RPH3AL: variants seen among roughly 807,000 people sequenced by gnomAD.
The protein encoded by RPH3AL is rabphilin 3A like (without C2 domains), also known as rab effector Noc2.
Under a neutral mutation model 43.1 loss-of-function variants are expected in RPH3AL, and 38 were observed. The ratio of observed to expected loss-of-function variants is 0.88; its 90% confidence interval spans 0.68 to 1.15. RPH3AL has a LOEUF of 1.15. Ranked by LOEUF, RPH3AL falls within the 50% of genes most tolerant of loss-of-function variation. RPH3AL has a pLI of 0.00. For missense variants in RPH3AL, 462 were observed against 423.2 expected, an observed-to-expected ratio of 1.09 and a Z score of -0.81; for synonymous variants, 189 against 176.3, an observed-to-expected ratio of 1.07 and a Z score of -0.57.
At chr17:313,393 G>A (rs1013476346) in intron 5 of RPH3AL, among the ~76,000 whole-genome samples, 7 of 152,180 alleles carry the variant, frequency 4.6e-5, no homozygotes, top group African/African-American at 1.4e-4. Context: ...TGGGCCATCC[G>A]GCCGCTCACT....
chr17:253,503 TA>T (rs1323043977), intron 6 of RPH3AL, among the ~76,000 whole-genome samples: 1 of 152,144 alleles, frequency 6.6e-6, no homozygotes, highest in East Asian at 1.9e-4. Context: ...AATCCTTTTT[TA>T]AAAAAATTAA....
chr17:275,758 G>A (rs1395157993), intron 6 of RPH3AL, among the ~76,000 whole-genome samples: 2 of 152,328 alleles, frequency 1.3e-5, no homozygotes, highest in African/African-American at 4.8e-5. Flanking sequence ...TGTTGCCCAG[G>A]CTGGTCTCAA....
rs538155695 is a variant in RPH3AL at position 352,791 on chromosome 17, G to C, written c.-292C>G. On this transcript the variant is annotated 5_prime_UTR_variant, in exon 1 of 10. Transcript: ENST00000331302. ...CTCCCTCCCACCACCGTTGTCGGGG[G>C]TGACCCGAGGTGTTCCAGATGAGGA... 4 of 152,324 alleles carry C rather than the reference G, an allele frequency of 2.6e-5. No individual in the cohort carries two copies. Among genetic ancestry groups the C allele is most frequent in the South Asian group, 4.2e-4 (2 of 4,808 alleles). 9.4% of individuals were successfully genotyped at this position (152,324 alleles called of 1,614,324 possible). A position where few individuals can be genotyped will look rare whatever the true frequency, so the allele number is the denominator to read the frequency against.
intron 5 of RPH3AL, among the ~76,000 whole-genome samples, chr17:311,635 C>G (rs117809908): frequency 1.3e-5 from 2 of 152,142 alleles, no homozygotes; most frequent in Non-Finnish European, 2.9e-5. Flanking sequence ...TCACAATGGG[C>G]GAAGCGATCA....
intron 6 of RPH3AL, among the ~76,000 whole-genome samples, chr17:275,244 AAAAAC>A (rs1344774343): frequency 0.011 from 1,036 of 92,648 alleles, 38 homozygotes; most frequent in Admixed American, 0.11. Flanking sequence ...AAAAAAAACA[AAAAAC>A]AAAAAAAGGA....
intron 6 of RPH3AL, among the ~76,000 whole-genome samples, chr17:249,620 C>G (rs1164480396): frequency 6.6e-6 from 1 of 151,882 alleles, no homozygotes; most frequent in African/African-American, 2.4e-5. Context: ...TGCTTCCCAC[C>G]CCGCAAACTT....
In RPH3AL at chr17:328,769, T is replaced by C. The variant is rs1051462046; in HGVS notation, c.-36-1190A>G. On this transcript the variant is annotated intron_variant, in intron 2 of 9. Coordinates refer to ENST00000331302, the MANE Select transcript of RPH3AL (RefSeq NM_006987.4). The surrounding 1 kb of genome is among the most constrained non-coding windows in gnomAD (Gnocchi z 4.2). Reference sequence around the variant, plus strand: ...TACAATGGATTATTATTATTTACAATGGAGTATGATTTACAATGGATTATT... The same window carrying C: ...TACAATGGATTATTATTATTTACAACGGAGTATGATTTACAATGGATTATT... Among the ~76,000 whole-genome samples, 2 of 152,192 alleles carry C rather than the reference T, an allele frequency of 1.3e-5. No homozygotes were observed. The highest frequency in any genetic ancestry group is 2.9e-5 in the Non-Finnish European group (2 of 68,032).
At chr17:337,128 T>TC (rs1375935286) in intron 1 of RPH3AL, among the ~76,000 whole-genome samples, 1 of 151,636 alleles carries the variant, frequency 6.6e-6, no homozygotes, top group Non-Finnish European at 1.5e-5. Context: ...AATAATTTTT[T>TC]TTTTTGAGAC....
chr17:250,048 C>T (rs1401311249), intron 6 of RPH3AL, among the ~76,000 whole-genome samples: 18 of 146,396 alleles, frequency 1.2e-4, no homozygotes, highest in Admixed American at 2.7e-4. Flanking sequence ...TCCATCACTG[C>T]GGGACCTCTG....
At chr17:332,972 C>G (rs1314916761) in intron 2 of RPH3AL, 1 of 1,264,310 alleles carries the variant, frequency 7.9e-7, no homozygotes, top group Middle Eastern at 2.2e-4. Context: ...GTGATAATTT[C>G]CCGAAAAATT....
At chr17:219,090 T>A (rs750057415) in intron 8 of RPH3AL, among the ~76,000 whole-genome samples, 2 of 150,030 alleles carry the variant, frequency 1.3e-5, no homozygotes, top group African/African-American at 2.5e-5. Flanking sequence ...TGTTGTCCCA[T>A]CCCTAGGCCT....
chr17:284,786 G>C (rs2042865995), intron 5 of RPH3AL, among the ~76,000 whole-genome samples: 1 of 152,206 alleles, frequency 6.6e-6, no homozygotes, highest in South Asian at 2.1e-4. Flanking sequence ...TAGACTGAGT[G>C]GCTGAAACAA....
chr17:327,072 C>A (rs1332975238), intron 3 of RPH3AL, among the ~76,000 whole-genome samples: 2 of 152,202 alleles, frequency 1.3e-5, no homozygotes, highest in African/African-American at 4.8e-5. Context: ...ATCAAAATCT[C>A]CCTGTCTTAA....
At position 253,016 on chromosome 17, in the gene RPH3AL, G is replaced by A. The variant is rs186302089; in HGVS notation, c.439-5731C>T. Among the ~76,000 whole-genome samples, 3 of 152,284 alleles carry A rather than the reference G, an allele frequency of 2.0e-5. No individual in the cohort carries two copies. In the East Asian group the frequency reaches 5.8e-4, roughly 29 times the overall value. ...GGAGGAAAAGCCACATTCCCAGGAG[G>A]CTACAGTAAGTGTTTTTGGGGTGGG... On this transcript the variant is annotated intron_variant, in intron 6 of 9. Coordinates refer to ENST00000331302, the MANE Select transcript of RPH3AL (RefSeq NM_006987.4).
chr17:281,921 C>A, intron 5 of RPH3AL, 67 bp from the exon 6 acceptor site: 1 of 1,192,716 alleles, frequency 8.4e-7, no homozygotes, highest in Admixed American at 1.7e-5. Flanking sequence ...GGGGCTCAGA[C>A]AACTGTAACG....
chr17:291,393 A>C (rs2043045501), intron 5 of RPH3AL, among the ~76,000 whole-genome samples: 1 of 152,140 alleles, frequency 6.6e-6, no homozygotes, highest in Non-Finnish European at 1.5e-5. Context: ...CATTTTAAAA[A>C]ATAATAAAAT....
intron 6 of RPH3AL, among the ~76,000 whole-genome samples, chr17:273,828 G>A (rs144684867): frequency 1.1e-3 from 165 of 152,322 alleles, no homozygotes; most frequent in African/African-American, 3.6e-3. Context: ...AAATTGAGGA[G>A]GCAAAGCCAA....
chr17:215,729 C>A lies in RPH3AL; in HGVS notation c.801G>T (p.Leu267=), dbSNP rs2040783015. The change falls in exon 9 of 10, where the codon CTG becomes CTT. Residue 267 remains leucine (L), a synonymous_variant. Transcript: ENST00000331302. The surrounding 1 kb of genome is among the most constrained non-coding windows in gnomAD (Gnocchi z 4.1). ...AGCCTGTCCCCGTCTCACCACTGGC[C>A]AGGCTGCTCTGGCACCCAGAGAGGT... The part of the protein sequence containing the change: ...PGHLSGCQSS[L]ASGETGTGSA... 3 of 1,306,912 alleles carry A rather than the reference C, an allele frequency of 2.3e-6. No homozygotes were observed. In the East Asian group the frequency reaches 9.4e-5, roughly 41 times the overall value. 81.0% of individuals were successfully genotyped at this position (1,306,912 alleles called of 1,614,324 possible). A position where few individuals can be genotyped will look rare whatever the true frequency, so the allele number is the denominator to read the frequency against.
At chr17:335,579 AC>A (rs1294908466) in intron 1 of RPH3AL, among the ~76,000 whole-genome samples, 1 of 152,090 alleles carries the variant, frequency 6.6e-6, no homozygotes, top group Admixed American at 6.5e-5. Context: ...ATGCAGTGTT[AC>A]CCCAGCAATA....
Sources: gnomAD v4.1 joint callset for allele counts (sites outside exome capture counted in the v4.1 genomes callset) on GRCh38, gnomAD v4.1.1 for gene constraint, Gnocchi (gnomAD v3.1) non-coding constraint, MANE v1.5 for transcripts, NCBI Gene and HGNC (gene_info 2026-07-23, HGNC 2026-07-21) for gene names.